The following MALRD1 variants were observed in gnomAD, a reference collection of about 807,000 sequenced individuals.
MALRD1 encodes the protein MAM and LDL-receptor class A domain-containing protein 1.
A neutral mutation model predicts 242.1 loss-of-function variants in MALRD1; 247 were observed. The observed-to-expected ratio is 1.02, with a 90% CI of 0.92 to 1.13. The LOEUF is 1.13. Among genes scored for constraint, MALRD1 ranks in the 50% most tolerant of loss-of-function variants. The pLI is 0.00. For synonymous variants in MALRD1, 995 were observed against 866.6 expected (o/e 1.15, Z -2.60); for missense variants, 2,989 against 2,533.1 (o/e 1.18, Z -3.86).
At chr10:19,322,722 G>A (rs1312226704) in intron 21 of MALRD1, among the ~76,000 whole-genome samples, 15 of 152,012 alleles carry the variant, frequency 9.9e-5, no homozygotes, top group Admixed American at 8.5e-4. Context: ...GTAAATACAT[G>A]GTGACTGAAT....
chr10:19,561,925 T>C lies in MALRD1; in HGVS notation c.5479-5577T>C, dbSNP rs572062451. 2.0e-5 allele frequency among the ~76,000 whole-genome samples: 3 copies of C among 152,260 alleles called. No individual in the cohort carries two copies. In the South Asian group the frequency reaches 6.2e-4, roughly 32 times the overall value. On this transcript the variant is annotated intron_variant, in intron 32 of 39. Transcript: ENST00000454679. The stretch of plus-strand genomic sequence containing the variant: ...GCAGGCCTCACTGACAAGAACAGAA[T>C]GTTCTTGGTATGTTTCAAAATAGCT...
intron 24 of MALRD1, among the ~76,000 whole-genome samples, chr10:19,341,298 T>A (rs1843839116): frequency 1.3e-5 from 2 of 151,742 alleles, no homozygotes; most frequent in South Asian, 4.2e-4. Context: ...TTTATTATGA[T>A]ATGTCTGGCA....
At chr10:19,613,746 G>A (rs932912240) in intron 35 of MALRD1, among the ~76,000 whole-genome samples, 1 of 152,050 alleles carries the variant, frequency 6.6e-6, no homozygotes. Flanking sequence ...GAAGCTGTGT[G>A]TCTCTGAATT....
chr10:19,086,366 T>A (rs2131293044), intron 2 of MALRD1, among the ~76,000 whole-genome samples: 2 of 152,164 alleles, frequency 1.3e-5, no homozygotes, highest in Non-Finnish European at 2.9e-5. Context: ...ATCATCATAT[T>A]TCTCATTCCT....
Position 19,048,819 on chromosome 10 carries a change from C to T in MALRD1, c.-120C>T. On this transcript the variant is annotated 5_prime_UTR_variant, in exon 1 of 40. Transcript: ENST00000454679. The stretch of plus-strand genomic sequence containing the variant: ...ATTTGTTAGAGTTGCAGATAGTTAC[C>T]AATAGTATCCAGTTATAAGAAGCAA... 1 of 697,982 alleles carries T rather than the reference C, an allele frequency of 1.4e-6. No homozygotes were observed. The highest frequency in any genetic ancestry group is 2.0e-6 in the Non-Finnish European group (1 of 500,640). 43.2% of individuals were successfully genotyped at this position (697,982 alleles called of 1,614,324 possible).
At chr10:19,520,997 G>T (rs183287165) in intron 31 of MALRD1, among the ~76,000 whole-genome samples, 1 of 152,084 alleles carries the variant, frequency 6.6e-6, no homozygotes, top group East Asian at 1.9e-4. Context: ...TTTCAAGCAC[G>T]ACCCAAATGA....
At chr10:19,062,747 GT>G (rs918920399) in intron 1 of MALRD1, among the ~76,000 whole-genome samples, 3 of 152,128 alleles carry the variant, frequency 2.0e-5, no homozygotes, top group African/African-American at 7.2e-5. Flanking sequence ...AAATGGAAAG[GT>G]GGTGTTTAAT....
intron 28 of MALRD1, among the ~76,000 whole-genome samples, chr10:19,425,152 A>G (rs956819335): frequency 6.6e-6 from 1 of 152,174 alleles, no homozygotes; most frequent in Non-Finnish European, 1.5e-5. Context: ...GAGAGTGACA[A>G]TCTGCCCTTT....
chr10:19,133,117 T>C (rs1272809339), intron 8 of MALRD1, among the ~76,000 whole-genome samples: 3 of 152,078 alleles, frequency 2.0e-5, no homozygotes, highest in African/African-American at 7.2e-5. Context: ...TTTTGTATTT[T>C]TAGTAGAGAT....
chr10:19,313,166 C>G (rs1426400094), intron 21 of MALRD1, among the ~76,000 whole-genome samples: 1 of 151,416 alleles, frequency 6.6e-6, no homozygotes, highest in Non-Finnish European at 1.5e-5. Flanking sequence ...TGTTTCAAAT[C>G]CTGGCTTCAG....
At chr10:19,183,280 A>G (rs1460668855) in intron 14 of MALRD1, among the ~76,000 whole-genome samples, 1 of 152,112 alleles carries the variant, frequency 6.6e-6, no homozygotes, top group African/African-American at 2.4e-5. Context: ...GAATACAGAG[A>G]AGTAGGAGTC....
chr10:19,476,537 C>T (rs1564374350), intron 29 of MALRD1, among the ~76,000 whole-genome samples: 1 of 151,972 alleles, frequency 6.6e-6, no homozygotes, highest in Non-Finnish European at 1.5e-5. Flanking sequence ...TCTTTGTAGG[C>T]CTCTTCCCCA....
chr10:19,262,443 G>T (rs1839790837), intron 19 of MALRD1, among the ~76,000 whole-genome samples: 1 of 152,054 alleles, frequency 6.6e-6, no homozygotes. Flanking sequence ...ATCACCTAAG[G>T]TCAGGAGTTC....
At chr10:19,727,308 C>T (rs908785112) in intron 38 of MALRD1, among the ~76,000 whole-genome samples, 2 of 152,022 alleles carry the variant, frequency 1.3e-5, no homozygotes, top group African/African-American at 4.8e-5. Context: ...TCTCCTTTCC[C>T]ATTTGTAATA....
At chr10:19,363,885 A>C (rs948076421) in intron 26 of MALRD1, among the ~76,000 whole-genome samples, 1 of 152,120 alleles carries the variant, frequency 6.6e-6, no homozygotes, top group Non-Finnish European at 1.5e-5. Flanking sequence ...TCTGTGGTTG[A>C]GGACTGATCA....
intron 36 of MALRD1, among the ~76,000 whole-genome samples, chr10:19,642,568 A>G (rs1840440912): frequency 6.6e-6 from 1 of 152,220 alleles, no homozygotes; most frequent in African/African-American, 2.4e-5. Context: ...TATCAAAATT[A>G]GCAGTACAGT....
chr10:19,721,627 C>A (rs1834759503), intron 38 of MALRD1: 3 of 152,328 alleles, frequency 2.0e-5, no homozygotes, highest in South Asian at 4.1e-4. Context: ...ATGTTCCATA[C>A]CCCTCATTGT....
At chr10:19,437,856 C>A (rs866443301) in intron 28 of MALRD1, among the ~76,000 whole-genome samples, 1 of 152,044 alleles carries the variant, frequency 6.6e-6, no homozygotes, top group Non-Finnish European at 1.5e-5. Context: ...TTCTATTATT[C>A]ATTTAAGCTT....
chr10:19,088,334 T>G, intron 4 of MALRD1, 149 bp downstream of exon 4: 3 of 669,176 alleles, frequency 4.5e-6, no homozygotes, highest in Non-Finnish European at 6.3e-6. Context: ...AGTGGACATC[T>G]CAGGCAATTT....
Sources: gnomAD v4.1 joint callset for allele counts (sites outside exome capture counted in the v4.1 genomes callset) on GRCh38, gnomAD v4.1.1 for gene constraint, MANE v1.5 for transcripts, NCBI Gene and HGNC (gene_info 2026-07-23, HGNC 2026-07-21) for gene names.